C12orf50: variants seen among roughly 807,000 people sequenced by gnomAD.
C12orf50 encodes the protein zinc finger CCCH-type containing 11D, also known as uncharacterized protein C12orf50.
Under a neutral mutation model 61.6 loss-of-function variants are expected in C12orf50, and 35 were observed. The observed-to-expected ratio is 0.57, with a 90% CI of 0.43 to 0.75. The LOEUF (loss-of-function observed/expected upper bound fraction) is 0.75, where lower values mean the gene tolerates loss of function less well. C12orf50 is among the 30% of genes least tolerant of loss of function. C12orf50 has a pLI of 0.00. For missense variants in C12orf50, 475 were observed against 488.5 expected, an observed-to-expected ratio of 0.97 and a Z score of 0.26; for synonymous variants, 178 against 161.5, an observed-to-expected ratio of 1.10 and a Z score of -0.77.
At chr12:87,989,158 AT>A in intron 8 of C12orf50, 105 bp downstream of exon 8, 1 of 751,904 alleles carries the variant, frequency 1.3e-6, no homozygotes, top group East Asian at 2.8e-5. Flanking sequence ...TTCAGTGTAT[AT>A]TTTGATTTAT....
At chr12:87,990,489 T>C (rs1013340544) in intron 7 of C12orf50, among the ~76,000 whole-genome samples, 3 of 152,144 alleles carry the variant, frequency 2.0e-5, no homozygotes, top group Admixed American at 1.3e-4. Context: ...ATGGCTTTTA[T>C]TAGAATAACT....
chr12:88,029,198 G>T, intron 1 of C12orf50, 142 bp downstream of exon 1: 1 of 878,192 alleles, frequency 1.1e-6, no homozygotes, highest in Non-Finnish European at 1.6e-6. Flanking sequence ...GCAAATACAA[G>T]AACTATCAGT....
intron 11 of C12orf50, chr12:87,985,327 T>G (rs1447849533): frequency 2.6e-5 from 4 of 152,852 alleles, no homozygotes; most frequent in Non-Finnish European, 5.8e-5. Context: ...ACCTTGTACT[T>G]CCTGACATAT....
intron 3 of C12orf50, among the ~76,000 whole-genome samples, chr12:88,009,852 T>A (rs1213758264): frequency 6.6e-6 from 1 of 152,160 alleles, no homozygotes; most frequent in East Asian, 1.9e-4. Flanking sequence ...TAAATACAAA[T>A]TTTAATTTCA....
At chr12:87,992,572 T>C (rs2031176095) in intron 7 of C12orf50, among the ~76,000 whole-genome samples, 1 of 152,162 alleles carries the variant, frequency 6.6e-6, no homozygotes, top group South Asian at 2.1e-4. Flanking sequence ...ATCAGTCTAA[T>C]ACAAAGAGCA....
chr12:87,989,504 A>G, intron 7 of C12orf50, 133 bp from the exon 8 acceptor site: 2 of 589,532 alleles, frequency 3.4e-6, no homozygotes, highest in South Asian at 4.4e-5. Context: ...TACCATATCC[A>G]TCTCCATACA....
At chr12:88,006,294 C>T (rs2031879626) in intron 3 of C12orf50, among the ~76,000 whole-genome samples, 1 of 152,138 alleles carries the variant, frequency 6.6e-6, no homozygotes, top group Non-Finnish European at 1.5e-5. Flanking sequence ...TAGTTTGCTG[C>T]TCTCATGGAG....
At chr12:87,990,409 GCCTCAAGGAGCT>G (rs2031062737) in intron 7 of C12orf50, among the ~76,000 whole-genome samples, 1 of 152,132 alleles carries the variant, frequency 6.6e-6, no homozygotes, top group Non-Finnish European at 1.5e-5. Flanking sequence ...ACAGTTCCTA[GCCTCAAGGAGCT>G]TACACAAAAC....
At chr12:88,017,860 T>C (rs2032369455) in intron 3 of C12orf50, among the ~76,000 whole-genome samples, 4 of 152,090 alleles carry the variant, frequency 2.6e-5, no homozygotes, top group Admixed American at 2.6e-4. Flanking sequence ...AGAGATAATT[T>C]AAGGTATCTG....
intron 3 of C12orf50, among the ~76,000 whole-genome samples, chr12:88,014,041 A>C (rs2032213119): frequency 6.6e-6 from 1 of 152,234 alleles, no homozygotes; most frequent in Non-Finnish European, 1.5e-5. Context: ...CAATGGAAGT[A>C]CACATAACTC....
At position 87,986,008 on chromosome 12, in the gene C12orf50, T is replaced by C; in HGVS notation, c.968A>G (p.Asn323Ser). The change falls in exon 11 of 13, where the codon AAT becomes AGT. Residue 323 changes from asparagine (N) to serine (S), a missense_variant. Physicochemically the swap from Asn to Ser is conservative, Grantham distance 46. Coordinates refer to ENST00000298699, the MANE Select transcript of C12orf50 (RefSeq NM_152589.3). ...RPQNKMSYHR[N>S]NKNRNAENAS... ...ATTCTCCGCATTTCGATTTTTATTA[T>C]TGCGGTGATAACTCATTTTATTTTG... is the stretch of plus-strand genomic sequence containing the variant. 1 of 1,613,890 alleles carries C rather than the reference T, an allele frequency of 6.2e-7. No homozygotes were observed. Among genetic ancestry groups the C allele is most frequent in the Non-Finnish European group, 8.5e-7 (1 of 1,179,870 alleles).
In C12orf50 at chr12:87,981,583, C is replaced by G. The variant is rs191025036; in HGVS notation, c.1220-1227G>C. ...GGATGCTGGCTCAGTTTCTCCTTGG[C>G]TCTCTGACAGAAGCAATCTGTCAAG... On this transcript the variant is annotated intron_variant, in intron 12 of 12. Transcript: ENST00000298699. 2.5e-3 allele frequency among the ~76,000 whole-genome samples: 376 copies of G among 152,246 alleles called. 2 individuals carry two copies. The highest frequency in any genetic ancestry group is 8.3e-3 in the African/African-American group (344 of 41,548).
At chr12:87,982,997 T>C in intron 12 of C12orf50, 106 bp downstream of exon 12, 1 of 588,038 alleles carries the variant, frequency 1.7e-6, no homozygotes, top group Non-Finnish European at 2.9e-6. Flanking sequence ...CATGTATATC[T>C]TGAAATTTTT....
chr12:88,025,926 G>C (rs2032687944), intron 3 of C12orf50, among the ~76,000 whole-genome samples: 1 of 152,122 alleles, frequency 6.6e-6, no homozygotes, highest in Non-Finnish European at 1.5e-5. Flanking sequence ...CAACTTTAAG[G>C]TACATCACAT....
intron 3 of C12orf50, 122 bp from the exon 4 acceptor site, chr12:87,998,312 A>G (rs2031506709): frequency 6.1e-6 from 4 of 651,002 alleles, no homozygotes; most frequent in Non-Finnish European, 9.3e-6. Context: ...CAATAATAAT[A>G]CATTAATGGA....
At chr12:87,994,595 T>C (rs1306041420) in intron 7 of C12orf50, 38 bp downstream of exon 7, 1 of 1,321,652 alleles carries the variant, frequency 7.6e-7, no homozygotes, top group Non-Finnish European at 1.1e-6. Flanking sequence ...TATTATGTGG[T>C]GATATATTCA....
chr12:87,985,816 G>C (rs1436876692), intron 11 of C12orf50, 34 bp downstream of exon 11: 2 of 1,605,050 alleles, frequency 1.2e-6, no homozygotes, highest in South Asian at 2.2e-5. Flanking sequence ...GCAAACCACA[G>C]ACAAGAGTAA....
chr12:87,999,085 C>T (rs1652997080), intron 3 of C12orf50, among the ~76,000 whole-genome samples: 1 of 152,122 alleles, frequency 6.6e-6, no homozygotes, highest in South Asian at 2.1e-4. Context: ...AAGTAGCCAG[C>T]CCCCTGGCAC....
At chr12:88,022,860 G>T (rs1166111500) in intron 3 of C12orf50, among the ~76,000 whole-genome samples, 1 of 152,072 alleles carries the variant, frequency 6.6e-6, no homozygotes, top group African/African-American at 2.4e-5. Context: ...CAGAGATGAT[G>T]CAAACAAATG....
Sources: allele counts gnomAD v4.1 joint callset (sites outside exome capture counted in the v4.1 genomes callset), GRCh38; gene constraint gnomAD v4.1.1; transcripts MANE v1.5; gene names NCBI Gene and HGNC (gene_info 2026-07-23, HGNC 2026-07-21).